Variants in RABEP1 observed in about 807,000 individuals in gnomAD.
RABEP1 encodes rab GTPase-binding effector protein 1.
Under a neutral mutation model 123.4 loss-of-function variants are expected in RABEP1, and 51 were observed. The ratio of observed to expected loss-of-function variants is 0.41; its 90% CI spans 0.33 to 0.52. The LOEUF (loss-of-function observed/expected upper bound fraction) is 0.52. Among genes scored for constraint, RABEP1 ranks in the 20% least tolerant of loss-of-function variants. RABEP1 has a pLI of 0.16. For missense variants in RABEP1, 888 were observed against 996.3 expected (o/e 0.89, Z 1.46); for synonymous variants, 347 against 355.2 (o/e 0.98, Z 0.26).
At chr17:5,331,362 T>C (rs1906527057) in intron 2 of RABEP1, among the ~76,000 whole-genome samples, 1 of 152,206 alleles carries the variant, frequency 6.6e-6, no homozygotes, top group Non-Finnish European at 1.5e-5. Context: ...CCCTGTATAC[T>C]GTTGATAAGT....
intron 4 of RABEP1, 152 bp downstream of exon 4, chr17:5,335,496 T>A: frequency 1.5e-6 from 1 of 665,912 alleles, no homozygotes; most frequent in Non-Finnish European, 2.5e-6. Context: ...CTAAATAATG[T>A]TATATCTATG....
At chr17:5,300,572 C>T (rs1456839174) in intron 1 of RABEP1, among the ~76,000 whole-genome samples, 1 of 152,148 alleles carries the variant, frequency 6.6e-6, no homozygotes, top group Non-Finnish European at 1.5e-5. Context: ...TCAGTATGTG[C>T]TCCCCCATCC....
chr17:5,364,847 CTAGTT>C (rs1385234709), intron 10 of RABEP1, among the ~76,000 whole-genome samples: 4 of 151,928 alleles, frequency 2.6e-5, no homozygotes. Flanking sequence ...AGGATACACT[CTAGTT>C]AGGGAGAACA....
At chr17:5,330,714 C>T (rs1009079826) in intron 2 of RABEP1, among the ~76,000 whole-genome samples, 4 of 151,938 alleles carry the variant, frequency 2.6e-5, no homozygotes, top group Non-Finnish European at 4.4e-5. Context: ...TACCTTACAA[C>T]TTTAGATGCT....
chr17:5,311,186 C>CA (rs1357772993), intron 2 of RABEP1, among the ~76,000 whole-genome samples: 2 of 152,130 alleles, frequency 1.3e-5, no homozygotes, highest in African/African-American at 4.8e-5. Flanking sequence ...GACGCTGACT[C>CA]ACTAGGGCAC....
chr17:5,378,500 C>A, intron 15 of RABEP1: 1 of 528,952 alleles, frequency 1.9e-6, no homozygotes. Context: ...ATAGGCAAGG[C>A]ATGGTCATAA....
Position 5,381,544 on chromosome 17 carries a change from A to G in RABEP1, c.2487+39A>G, listed in dbSNP as rs758468151. On this transcript the variant is annotated intron_variant, in intron 17 of 17. Transcript: ENST00000537505. ...GGAACCACATACAGAGCACGAAGGC[A>G]GTTTTGGGGGACAGAACCTTGCCGA... 7 of 1,594,748 alleles carry G rather than the reference A, an allele frequency of 4.4e-6. No homozygotes were observed. In the East Asian group the frequency reaches 9.1e-5, roughly 21 times the overall value.
Position 5,299,719 on chromosome 17 carries a change from C to CTTTTTTTTTTTTTTTTTTTTTTTTTT in RABEP1, c.35-8970_35-8969insTTTTTTTTTTTTTTTTTTTTTTTTTT, listed in dbSNP as rs146585957. On this transcript the variant is annotated intron_variant, in intron 1 of 17. Coordinates refer to ENST00000537505, the MANE Select transcript of RABEP1 (RefSeq NM_004703.6). The stretch of plus-strand genomic sequence containing the variant: ...TCATTTCTTTTTCTTTTTTTCTTTT[C>CTTTTTTTTTTTTTTTTTTTTTTTTTT]TTTTTCTTTTTCTTTTTTTTTTTTT... Among the ~76,000 whole-genome samples the CTTTTTTTTTTTTTTTTTTTTTTTTTT allele has an allele frequency of 6.3e-4, 62 of 98,838 alleles. 8 individuals carry two copies. The highest frequency in any genetic ancestry group is 1.8e-3 in the South Asian group (3 of 1,650). 64.8% of individuals were successfully genotyped at this position (98,838 alleles called of 152,430 possible).
intron 8 of RABEP1, among the ~76,000 whole-genome samples, chr17:5,355,721 T>TTA (rs762437856): frequency 2.6e-5 from 4 of 152,166 alleles, no homozygotes; most frequent in Admixed American, 1.3e-4. Context: ...ATCCTGGTGG[T>TTA]TATATATATG....
At chr17:5,368,760 T>G (rs1910294868) in intron 12 of RABEP1, among the ~76,000 whole-genome samples, 1 of 152,234 alleles carries the variant, frequency 6.6e-6, no homozygotes, top group African/African-American at 2.4e-5. Flanking sequence ...TAATTCCAAA[T>G]AAAAGCTAAA....
chr17:5,298,656 A>AT (rs11355508), intron 1 of RABEP1, among the ~76,000 whole-genome samples: 132 of 128,820 alleles, frequency 1.0e-3, no homozygotes, highest in South Asian at 1.8e-3. Context: ...CTCCTCCAGG[A>AT]TTTTTTTTTT....
At chr17:5,307,339 A>G (rs2075188645) in intron 1 of RABEP1, among the ~76,000 whole-genome samples, 1 of 152,200 alleles carries the variant, frequency 6.6e-6, no homozygotes, top group African/African-American at 2.4e-5. Flanking sequence ...GAAGAAATTA[A>G]TGAGCCATAA....
chr17:5,326,554 G>T (rs566291719), intron 2 of RABEP1, among the ~76,000 whole-genome samples: 2 of 152,282 alleles, frequency 1.3e-5, no homozygotes, highest in African/African-American at 4.8e-5. Context: ...ATGATACTGT[G>T]GTGGTGGGAA....
intron 1 of RABEP1, among the ~76,000 whole-genome samples, chr17:5,300,238 G>GCTT (rs1326728154): frequency 1.3e-5 from 2 of 152,106 alleles, no homozygotes; most frequent in Non-Finnish European, 2.9e-5. Flanking sequence ...GCCTCCTTAG[G>GCTT]CTTCTCTAGA....
chr17:5,320,595 C>G (rs1451755421), intron 2 of RABEP1, among the ~76,000 whole-genome samples: 1 of 152,122 alleles, frequency 6.6e-6, no homozygotes, highest in Non-Finnish European at 1.5e-5. Context: ...AATGTAGATA[C>G]ATGTAAGTTG....
At chr17:5,331,780 A>G (rs1328581204) in intron 2 of RABEP1, among the ~76,000 whole-genome samples, 169 bp from the exon 3 acceptor site, 1 of 152,182 alleles carries the variant, frequency 6.6e-6, no homozygotes, top group East Asian at 1.9e-4. Flanking sequence ...ATCATTAGAT[A>G]GATAGTAACA....
rs1908858481 is a variant in RABEP1, at chr17:5,354,588, G to A, written c.1095+98G>A. On this transcript the variant is annotated intron_variant, in intron 8 of 17. Coordinates refer to ENST00000537505, the MANE Select transcript of RABEP1 (RefSeq NM_004703.6). ...ATTACATTGTTCATATGAGAAGTGA[G>A]AAGTGCATAGCTACGAGGTGAAAGT... 5.3e-6 allele frequency: 6 copies of A among 1,131,462 alleles called. No homozygotes were observed. The South Asian group carries it at 1.1e-4, about 21-fold the overall frequency. The allele number at this position is 1,131,462 out of a possible 1,614,324, so 70.1% of individuals were successfully genotyped here.
At chr17:5,284,792 C>T (rs1340322343) in intron 1 of RABEP1, among the ~76,000 whole-genome samples, 1 of 151,392 alleles carries the variant, frequency 6.6e-6, no homozygotes, top group Non-Finnish European at 1.5e-5. Context: ...GTGTCTTTAG[C>T]TGAACTCATG....
At chr17:5,375,959 G>A (rs1336830059) in intron 13 of RABEP1, among the ~76,000 whole-genome samples, 2 of 151,868 alleles carry the variant, frequency 1.3e-5, no homozygotes, top group Admixed American at 6.6e-5. Context: ...TGCAACCTCC[G>A]CCTTCTGGGT....
Sources: gnomAD v4.1 joint callset for allele counts (sites outside exome capture counted in the v4.1 genomes callset) on GRCh38, gnomAD v4.1.1 for gene constraint, MANE v1.5 for transcripts, NCBI Gene and HGNC (gene_info 2026-07-23, HGNC 2026-07-21) for gene names.